The following ANK2 variants were observed in gnomAD, a reference collection of about 807,000 sequenced individuals.
The protein encoded by ANK2 is ankyrin 2, also known as ankyrin-2.
Under a neutral mutation model 360.5 loss-of-function variants are expected in ANK2, and 83 were observed. The ratio of observed to expected loss-of-function variants is 0.23; its 90% confidence interval spans 0.19 to 0.28. The LOEUF (loss-of-function observed/expected upper bound fraction) is 0.28, where lower values mean the gene tolerates loss of function less well. Ranked by LOEUF, ANK2 falls within the 10% of genes least tolerant of loss-of-function variation. The probability of loss-of-function intolerance (pLI) is 1.00; values close to 1 mark genes in which losing one functional copy is unlikely to be tolerated. For missense variants in ANK2, 4,201 were observed against 4,795.7 expected (o/e 0.88, Z 3.66); for synonymous variants, 1,740 against 1,759.5 (o/e 0.99, Z 0.28).
intron 1 of ANK2, among the ~76,000 whole-genome samples, chr4:113,111,245 G>A (rs1052458278): frequency 6.6e-6 from 1 of 152,132 alleles, no homozygotes; most frequent in Admixed American, 6.5e-5. Flanking sequence ...TCTATCAAAG[G>A]TTTATCCAAA....
At chr4:112,730,284 C>T in the ANK2 span, among the ~76,000 whole-genome samples, 8 of 135,198 alleles carry the variant, frequency 5.9e-5, no homozygotes, top group East Asian at 1.3e-3. Context: ...AAAGAGAATA[C>T]GTTCAGGAGA....
At position 113,373,162 on chromosome 4, in the gene ANK2, G is replaced by A. The variant is rs72556370; in HGVS notation, c.11683G>A (p.Val3895Met). The A allele has an allele frequency of 6.3e-5, 101 of 1,614,000 alleles. No homozygotes were observed. The East Asian group carries it at 1.5e-3, about 24-fold the overall frequency. Residue 3895 changes from valine to methionine, a missense_variant, in exon 44 of 46, where the codon GTG (valine) becomes ATG (methionine). By Grantham distance (21) the Val-to-Met change is conservative. Transcript: ENST00000357077. ...ATACATTGATGAGCATGGACACACC[G>A]TGGTAAAGAAGGTATTGTCTAGTAT... ...EEYIDEHGHTVVKKVTRKIIR... is the reference protein window; with the variant it reads ...EEYIDEHGHTMVKKVTRKIIR...
chr4:112,888,089 G>A (rs1027427315), intron 1 of ANK2, among the ~76,000 whole-genome samples: 4 of 152,102 alleles, frequency 2.6e-5, no homozygotes, highest in South Asian at 2.1e-4. Flanking sequence ...TAGATAGGTA[G>A]TGTTTTCCTT....
intron 2 of ANK2, among the ~76,000 whole-genome samples, chr4:112,957,007 G>GTTTTTTT (rs56066718): frequency 6.2e-4 from 41 of 66,440 alleles, no homozygotes; most frequent in East Asian, 9.0e-4. Flanking sequence ...TATTGCTCTT[G>GTTTTTTT]TTTTTTTTTT....
At chr4:112,818,364 C>T (rs573543583) in intron 1 of ANK2, 4 of 152,368 alleles carry the variant, frequency 2.6e-5, no homozygotes, top group Admixed American at 2.0e-4. Flanking sequence ...AAACCCCCTC[C>T]TTGGGTCTGG....
intron 5 of ANK2, among the ~76,000 whole-genome samples, chr4:113,234,290 A>C (rs1324753646): frequency 1.3e-5 from 2 of 152,214 alleles, no homozygotes; most frequent in Non-Finnish European, 2.9e-5. Context: ...CAGAAAGTTA[A>C]AATCCTCTCT....
chr4:113,364,897 G>T (rs530383209), intron 40 of ANK2, 142 bp from the exon 41 acceptor site: 22 of 1,084,702 alleles, frequency 2.0e-5, no homozygotes, highest in Non-Finnish European at 2.8e-5. Context: ...TTGTCTGTTG[G>T]CTTATTTTTA....
At chr4:113,021,305 C>T (rs1380001100) in intron 2 of ANK2, among the ~76,000 whole-genome samples, 1 of 151,752 alleles carries the variant, frequency 6.6e-6, no homozygotes, top group South Asian at 2.1e-4. Flanking sequence ...TCAGCTAGGT[C>T]GTTAGTGTGA....
intron 26 of ANK2, among the ~76,000 whole-genome samples, chr4:113,325,833 A>T (rs2089503813): frequency 6.6e-6 from 1 of 152,240 alleles, no homozygotes; most frequent in Non-Finnish European, 1.5e-5. Flanking sequence ...CTGTAACCTT[A>T]AGTGGTAACA....
intron 2 of ANK2, among the ~76,000 whole-genome samples, chr4:113,038,193 A>C (rs1032685080): frequency 1.3e-5 from 2 of 152,014 alleles, no homozygotes; most frequent in Admixed American, 1.3e-4. Context: ...GGCTAAAGAA[A>C]GTTCAAAAAA....
intron 2 of ANK2, among the ~76,000 whole-genome samples, chr4:113,192,464 T>A (rs888875390): frequency 2.6e-5 from 4 of 152,190 alleles, no homozygotes; most frequent in African/African-American, 9.6e-5. Context: ...TGAACCATGC[T>A]GATTAGCAGT....
At chr4:112,829,933 T>C (rs1236798182) in intron 1 of ANK2, among the ~76,000 whole-genome samples, 1 of 151,488 alleles carries the variant, frequency 6.6e-6, no homozygotes, top group East Asian at 1.9e-4. Context: ...CACTCTAGCC[T>C]GGATAACAGA....
chr4:112,977,357 G>A (rs1030684708), intron 2 of ANK2, among the ~76,000 whole-genome samples: 4 of 151,970 alleles, frequency 2.6e-5, no homozygotes, highest in Admixed American at 6.5e-5. Flanking sequence ...TAATTAGAAA[G>A]TACTTTGGGA....
At position 113,288,494 on chromosome 4, in the gene ANK2, A is replaced by T. The variant is rs762891047; in HGVS notation, c.2277+8A>T. 1 of 1,609,538 alleles carries T rather than the reference A, an allele frequency of 6.2e-7. No homozygotes were observed. Among genetic ancestry groups the T allele is most frequent in the Non-Finnish European group, 8.5e-7 (1 of 1,176,022 alleles). ...GTTAACGCAAAAACCAAGGTAAAGT[A>T]CTTGTGGTCATTTTCAATTCCTATA... is the stretch of plus-strand genomic sequence containing the variant. On this transcript the variant is annotated splice_region_variant and intron_variant, in intron 20 of 45. Transcript: ENST00000357077.
At chr4:113,048,607 C>T (rs1367823142), upstream of ANK2, among the ~76,000 whole-genome samples, 5 of 151,602 alleles carry the variant, frequency 3.3e-5, no homozygotes, top group African/African-American at 1.2e-4. Flanking sequence ...CAAGTATGGC[C>T]ACCTTAATCA....
At chr4:113,088,284 G>T (rs1017609859) in intron 1 of ANK2, among the ~76,000 whole-genome samples, 1 of 152,160 alleles carries the variant, frequency 6.6e-6, no homozygotes, top group Admixed American at 6.5e-5. Flanking sequence ...TGCCTTCCTG[G>T]CTATGCTGAG....
chr4:112,822,872 A>T (rs1374748864), intron 1 of ANK2, among the ~76,000 whole-genome samples: 3 of 72,626 alleles, frequency 4.1e-5, no homozygotes, highest in South Asian at 9.5e-4. Context: ...CAAGAGATTT[A>T]AAAAAAAAAA....
the ANK2 span, among the ~76,000 whole-genome samples, chr4:112,735,410 T>TATG: frequency 6.6e-6 from 1 of 152,204 alleles, no homozygotes; most frequent in African/African-American, 2.4e-5. Context: ...CTGTGCACAT[T>TATG]GCTTAAGTGT....
intron 1 of ANK2, among the ~76,000 whole-genome samples, chr4:112,895,084 A>G (rs990411121): frequency 5.3e-5 from 8 of 152,346 alleles, no homozygotes; most frequent in South Asian, 2.1e-4. Flanking sequence ...TGAAGCACCA[A>G]TGTGCTGGTA....
Sources: gnomAD v4.1 joint callset for allele counts (sites outside exome capture counted in the v4.1 genomes callset) on GRCh38, gnomAD v4.1.1 for gene constraint, MANE v1.5 for transcripts, NCBI Gene and HGNC (gene_info 2026-07-23, HGNC 2026-07-21) for gene names.